MCMDC2: variants seen among roughly 807,000 people sequenced by gnomAD.
The protein encoded by MCMDC2 is minichromosome maintenance domain containing 2, also known as minichromosome maintenance domain-containing protein 2.
A neutral mutation model predicts 75.8 loss-of-function variants in MCMDC2; 54 were observed. That is an observed-to-expected ratio of 0.71 (90% CI 0.57 to 0.89). MCMDC2 has a LOEUF of 0.89. Among genes scored for constraint, MCMDC2 ranks in the 40% least tolerant of loss-of-function variants. MCMDC2 has a pLI of 0.00. For missense variants in MCMDC2, 656 were observed against 780.4 expected (o/e 0.84, Z 1.90); for synonymous variants, 249 against 274.6 (o/e 0.91, Z 0.92).
At chr8:66,910,273 A>C (rs902226805) in intron 14 of MCMDC2, among the ~76,000 whole-genome samples, 2 of 152,158 alleles carry the variant, frequency 1.3e-5, no homozygotes, top group Non-Finnish European at 2.9e-5. Flanking sequence ...GGTACTCCCT[A>C]GTGTAGCTGT....
chr8:66,916,843 A>G (rs554596475), intron 14 of MCMDC2, among the ~76,000 whole-genome samples: 1 of 152,114 alleles, frequency 6.6e-6, no homozygotes. Context: ...CTAGTTTCCT[A>G]TGACCGTGGG....
chr8:66,875,033 C>T (rs1811212649), intron 4 of MCMDC2, among the ~76,000 whole-genome samples: 1 of 151,972 alleles, frequency 6.6e-6, no homozygotes, highest in Admixed American at 6.6e-5. Context: ...GGATTACAGG[C>T]GTGAGCCACC....
chr8:66,894,934 C>A (rs574932183), intron 10 of MCMDC2, among the ~76,000 whole-genome samples: 1 of 152,186 alleles, frequency 6.6e-6, no homozygotes, highest in Non-Finnish European at 1.5e-5. Context: ...CCCTCACAGT[C>A]CCTGGCAAAC....
chr8:66,895,821 A>G (rs1479966333), intron 10 of MCMDC2, among the ~76,000 whole-genome samples: 2 of 152,048 alleles, frequency 1.3e-5, no homozygotes, highest in Non-Finnish European at 2.9e-5. Flanking sequence ...CCTGCTTTCT[A>G]TCATTTTCCC....
At chr8:66,925,771 G>A (rs1813701649), downstream of MCMDC2, among the ~76,000 whole-genome samples, 1 of 152,202 alleles carries the variant, frequency 6.6e-6, no homozygotes, top group Non-Finnish European at 1.5e-5. Context: ...TCCCGCAGGG[G>A]CTTTTCAGGC....
intron 13 of MCMDC2, among the ~76,000 whole-genome samples, chr8:66,902,704 AAAAAAAAAT>A (rs1812728966): frequency 7.6e-6 from 1 of 131,756 alleles, no homozygotes; most frequent in Non-Finnish European, 1.6e-5. Context: ...AAAAAAAAAA[AAAAAAAAAT>A]ATATATATAT....
chr8:66,896,348 G>C lies in MCMDC2; in HGVS notation c.1446+12G>C. 4 of 1,561,376 alleles carry C rather than the reference G, an allele frequency of 2.6e-6. No homozygotes were observed. The highest frequency in any genetic ancestry group is 3.4e-6 in the Non-Finnish European group (4 of 1,162,408). ...TAATTGGTCAGATGGTAAGGTATATGTATATTTTATTGTTAGAATGTTGTT... is the reference window on the plus strand; with the variant it reads ...TAATTGGTCAGATGGTAAGGTATATCTATATTTTATTGTTAGAATGTTGTT... On this transcript the variant is annotated intron_variant, in intron 11 of 14. Coordinates refer to ENST00000422365, the MANE Select transcript of MCMDC2 (RefSeq NM_173518.5).
intron 8 of MCMDC2, among the ~76,000 whole-genome samples, chr8:66,882,774 G>T (rs374103762): frequency 2.0e-5 from 3 of 152,134 alleles, no homozygotes; most frequent in African/African-American, 7.2e-5. Flanking sequence ...TACTTGAAGA[G>T]AAAAGCTTCT....
At chr8:66,876,916 A>T (rs1057150038) in intron 4 of MCMDC2, among the ~76,000 whole-genome samples, 1 of 151,712 alleles carries the variant, frequency 6.6e-6, no homozygotes, top group Non-Finnish European at 1.5e-5. Flanking sequence ...GCCTGCCATC[A>T]CACCCGGCTA....
Position 66,878,595 on chromosome 8 carries a change from A to G in MCMDC2, c.503A>G (p.His168Arg). 1 of 1,578,484 alleles carries G rather than the reference A, an allele frequency of 6.3e-7. No individual in the cohort carries two copies. The highest frequency in any genetic ancestry group is 1.4e-5 in the African/African-American group (1 of 73,528). ...LSKGFQYIRV[H>R]VPGATESATI... Reference sequence around the variant, plus strand: ...TCAGGATTTCAGTATATAAGAGTGCATGTGCCTGGTGCTACAGAATCTGCA... The same window carrying G: ...TCAGGATTTCAGTATATAAGAGTGCGTGTGCCTGGTGCTACAGAATCTGCA... Residue 168 changes from histidine to arginine, a missense_variant, in exon 6 of 15, where the codon CAT (histidine) becomes CGT (arginine). By Grantham distance (29) the His-to-Arg change is conservative. Coordinates refer to ENST00000422365, the MANE Select transcript of MCMDC2 (RefSeq NM_173518.5).
At chr8:66,884,250 C>T in intron 9 of MCMDC2, 1 of 520,976 alleles carries the variant, frequency 1.9e-6, no homozygotes, top group Non-Finnish European at 3.4e-6. Context: ...CCTTCCTTTC[C>T]CCCTATTCCC....
intron 14 of MCMDC2, among the ~76,000 whole-genome samples, chr8:66,910,453 C>T (rs1054655568): frequency 1.2e-4 from 19 of 152,206 alleles, no homozygotes; most frequent in Admixed American, 1.2e-3. Context: ...GTGGGAGCCC[C>T]TCTCTTACAT....
At chr8:66,891,630 G>C (rs1268434657) in intron 10 of MCMDC2, among the ~76,000 whole-genome samples, 1 of 152,148 alleles carries the variant, frequency 6.6e-6, no homozygotes, top group Non-Finnish European at 1.5e-5. Context: ...TCTATGTCCA[G>C]CAGCACCTCT....
intron 9 of MCMDC2, among the ~76,000 whole-genome samples, chr8:66,890,368 C>T (rs568123214): frequency 6.6e-6 from 1 of 152,152 alleles, no homozygotes; most frequent in East Asian, 1.9e-4. Context: ...GCCTGGCCAC[C>T]ATGGATGTTC....
chr8:66,889,877 A>G (rs189740356), intron 9 of MCMDC2, among the ~76,000 whole-genome samples: 3 of 152,148 alleles, frequency 2.0e-5, no homozygotes, highest in African/African-American at 7.2e-5. Flanking sequence ...CAAACAAAAA[A>G]CCCCATAATT....
rs184489461 is a variant in MCMDC2 at position 66,881,540 on chromosome 8, G to T, written c.835+566G>T. ...CATCTCTACTAAAAATACAAAAGTA[G>T]CTGGGCATGGTGGCAGGTGCCTGTA... On this transcript the variant is annotated intron_variant, in intron 8 of 14. Transcript: ENST00000422365. 3.1e-3 allele frequency among the ~76,000 whole-genome samples: 467 copies of T among 152,314 alleles called. 3 individuals are homozygous for T. The highest frequency in any genetic ancestry group is 0.011 in the African/African-American group (455 of 41,582).
At position 66,874,053 on chromosome 8, in the gene MCMDC2, G is replaced by C; in HGVS notation, c.-88G>C. ...AAAATAAAATTAATTTTATTTCTAG[G>C]TTTTCACATCCTTTCTATGAGTTTC... On this transcript the variant is annotated splice_region_variant and 5_prime_UTR_variant, in exon 2 of 15. Transcript: ENST00000422365. The C allele has an allele frequency of 4.9e-6, 4 of 813,748 alleles. No homozygotes were observed. Among genetic ancestry groups the C allele is most frequent in the Non-Finnish European group, 7.4e-6 (4 of 541,570 alleles). 50.4% of individuals were successfully genotyped at this position (813,748 alleles called of 1,614,324 possible).
intron 11 of MCMDC2, 69 bp downstream of exon 11, chr8:66,896,405 T>A (rs1376420115): frequency 2.4e-5 from 34 of 1,393,438 alleles, no homozygotes; most frequent in Non-Finnish European, 3.2e-5. Context: ...TTAATACATC[T>A]TAATATTTTT....
At chr8:66,926,270 T>C (rs1455051296), downstream of MCMDC2, 3 of 152,268 alleles carry the variant, frequency 2.0e-5, no homozygotes, top group African/African-American at 2.4e-5. Flanking sequence ...CATTGTATTA[T>C]AGAATCCTGA....
Sources: allele counts gnomAD v4.1 joint callset (sites outside exome capture counted in the v4.1 genomes callset), GRCh38; gene constraint gnomAD v4.1.1; transcripts MANE v1.5; gene names NCBI Gene and HGNC (gene_info 2026-07-23, HGNC 2026-07-21).